Variants in GARNL3 observed in about 807,000 individuals in gnomAD.
GARNL3 encodes the protein GTPase-activating Rap/Ran-GAP domain-like protein 3.
GARNL3 carries 63 observed loss-of-function variants against 125.0 expected under a neutral mutation model. That is an observed-to-expected ratio of 0.50 (90% CI 0.41 to 0.62). GARNL3 has a LOEUF of 0.62. Ranked by LOEUF, GARNL3 falls within the 20% of genes least tolerant of loss-of-function variation. The pLI is 0.00. For synonymous variants in GARNL3, 439 were observed against 457.5 expected, an observed-to-expected ratio of 0.96 and a Z score of 0.52; for missense variants, 994 against 1,244.0, an observed-to-expected ratio of 0.80 and a Z score of 3.02.
chr9:127,387,711 C>T (rs1832618022), intron 25 of GARNL3, among the ~76,000 whole-genome samples: 1 of 149,626 alleles, frequency 6.7e-6, no homozygotes, highest in South Asian at 2.1e-4. Flanking sequence ...CCATTGCACT[C>T]CAGCCTGGGC....
chr9:127,377,327 A>G (rs1831972263), intron 22 of GARNL3, among the ~76,000 whole-genome samples: 1 of 137,330 alleles, frequency 7.3e-6, no homozygotes, highest in Non-Finnish European at 1.7e-5. Context: ...TAACGTTAGG[A>G]CAATTGGACA....
At position 127,385,244 on chromosome 9, in the gene GARNL3, G is replaced by A. The variant is rs1157587099; in HGVS notation, c.2388+99G>A. Reference sequence around the variant, plus strand: ...AAGCCGCCTCTTGTCAAGTTAGGCTGATGAAGACCGGTGTCAGAATGCCAG... The same window carrying A: ...AAGCCGCCTCTTGTCAAGTTAGGCTAATGAAGACCGGTGTCAGAATGCCAG... On this transcript the variant is annotated intron_variant, in intron 24 of 27. Transcript: ENST00000373387. This position sits in a 1 kb window ranked among gnomAD's most constrained non-coding sequence, Gnocchi z 4.1. The A allele has an allele frequency of 1.3e-5, 8 of 626,612 alleles. No homozygotes were observed. The highest frequency in any genetic ancestry group is 3.7e-5 in the African/African-American group (2 of 54,210). 38.8% of individuals were successfully genotyped at this position (626,612 alleles called of 1,614,324 possible).
chr9:127,263,645 G>A, upstream of GARNL3: 3 of 1,028,180 alleles, frequency 2.9e-6, no homozygotes, highest in Non-Finnish European at 3.5e-6. Flanking sequence ...GGAGATTTTT[G>A]GGTAGAAAAT....
At chr9:127,350,708 G>A (rs1388629936) in intron 17 of GARNL3, among the ~76,000 whole-genome samples, 6 of 151,894 alleles carry the variant, frequency 4.0e-5, no homozygotes, top group Non-Finnish European at 5.9e-5. Flanking sequence ...CCCAGGAGGC[G>A]GAGGTTGCAG....
At chr9:127,299,630 G>T (rs1219322354) in intron 2 of GARNL3, among the ~76,000 whole-genome samples, 1 of 151,924 alleles carries the variant, frequency 6.6e-6, no homozygotes, top group East Asian at 1.9e-4. Flanking sequence ...GAGTGCAATG[G>T]CGTGATCTCA....
intron 7 of GARNL3, among the ~76,000 whole-genome samples, chr9:127,325,570 T>C (rs2065543962): frequency 1.3e-5 from 2 of 152,244 alleles, no homozygotes; most frequent in Non-Finnish European, 2.9e-5. Context: ...AAATAAATTA[T>C]GGTTTATGTA....
At chr9:127,315,233 C>T (rs142617854) in intron 4 of GARNL3, among the ~76,000 whole-genome samples, 1 of 152,294 alleles carries the variant, frequency 6.6e-6, no homozygotes, top group Non-Finnish European at 1.5e-5. Flanking sequence ...TATTAAGCCC[C>T]TCTTGGCCTG....
At chr9:127,318,948 C>T (rs1392371304) in intron 5 of GARNL3, among the ~76,000 whole-genome samples, 2 of 152,174 alleles carry the variant, frequency 1.3e-5, no homozygotes, top group African/African-American at 2.4e-5. Context: ...TGGTAAATCA[C>T]GGAGCTGGAG....
chr9:127,242,988 G>C lies in GARNL3; in HGVS notation c.-28-91G>C. The C allele has an allele frequency of 1.8e-6, 2 of 1,127,844 alleles. No homozygotes were observed. Among genetic ancestry groups the C allele is most frequent in the Non-Finnish European group, 1.2e-6 (1 of 861,512 alleles). The allele number at this position is 1,127,844 out of a possible 1,614,324, so 69.9% of individuals were successfully genotyped here. A position where few individuals can be genotyped will look rare whatever the true frequency, so the allele number is the denominator to read the frequency against. The stretch of plus-strand genomic sequence containing the variant: ...CACCCTCCTCCTTGCTTACCAGCGG[G>C]GCTGCCTTTGGGAGGAGGGTAAAGC... On this transcript the variant is annotated intron_variant, in intron 1 of 10. Coordinates refer to the GARNL3 transcript ENST00000439286. The surrounding 1 kb of genome is among the most constrained non-coding windows in gnomAD (Gnocchi z 4.6).
In GARNL3 at chr9:127,307,746, T is replaced by C. The variant is rs148099346; in HGVS notation, c.220-3890T>C. 2.3e-4 allele frequency among the ~76,000 whole-genome samples: 35 copies of C among 152,340 alleles called. No homozygotes were observed. The East Asian group carries it at 6.8e-3, about 29-fold the overall frequency. ...GGTGATTTTTGTTTAACCTTTGTTT[T>C]CTAATAGGGCTAACAAGTTTTTTTT... is the stretch of plus-strand genomic sequence containing the variant. On this transcript the variant is annotated intron_variant, in intron 2 of 27. Transcript: ENST00000373387.
intron 13 of GARNL3, among the ~76,000 whole-genome samples, chr9:127,340,302 A>G (rs1829794570): frequency 6.6e-6 from 1 of 152,136 alleles, no homozygotes; most frequent in Admixed American, 6.5e-5. Flanking sequence ...TAATACCCAA[A>G]TACCCGACTC....
Position 127,264,931 on chromosome 9 carries a change from G to A in GARNL3, c.54G>A (p.Leu18=). The A allele has an allele frequency of 1.2e-6, 2 of 1,613,360 alleles. No homozygotes were observed. Among genetic ancestry groups the A allele is most frequent in the Non-Finnish European group, 1.7e-6 (2 of 1,179,636 alleles). The change falls in exon 1 of 28, where the codon CTG becomes CTA. Residue 18 remains leucine (L), a synonymous_variant. Coordinates refer to ENST00000373387, the MANE Select transcript of GARNL3 (RefSeq NM_032293.5). ...TGGCCAGATCGCTATGTATAATACT[G>A]ATGAAGCATTTTTGTTCCAGCTCTG... The part of the protein sequence containing the change: ...RFVARSLCII[L]MKHFCSSSVS...
At position 127,318,101 on chromosome 9, in the gene GARNL3, A is replaced by G; in HGVS notation, c.477A>G (p.Lys159=). The G allele has an allele frequency of 6.2e-7, 1 of 1,609,844 alleles. No individual in the cohort carries two copies. Among genetic ancestry groups the G allele is most frequent in the Non-Finnish European group, 8.5e-7 (1 of 1,176,126 alleles). ...TATGCCTTCCCTACAGTCCCACAAA[A>G]ACTCTTTCTGTGAAGTCCATCTTAA... ...QKICLPYSPT[K]TLSVKSILSA... The change falls in exon 5 of 28, where the codon AAA becomes AAG. Residue 159 remains lysine, a synonymous_variant. Coordinates refer to ENST00000373387, the MANE Select transcript of GARNL3 (RefSeq NM_032293.5).
chr9:127,384,446 TCCAAA>T lies in GARNL3; in HGVS notation c.2270-580_2270-576del, dbSNP rs1372846433. 2.6e-5 allele frequency among the ~76,000 whole-genome samples: 4 copies of T among 151,874 alleles called. No individual in the cohort carries two copies. Among genetic ancestry groups the T allele is most frequent in the African/African-American group, 9.7e-5 (4 of 41,320 alleles). On this transcript the variant is annotated intron_variant, in intron 23 of 27. Transcript: ENST00000373387. The surrounding 1 kb of genome is among the most constrained non-coding windows in gnomAD (Gnocchi z 4.0). ...ACAGTGCCTGGAAGCCAGTGTGTCA[TCCAAA>T]TCATTTCAAGCAGAGGGGCCAGCCC...
At position 127,342,549 on chromosome 9, in the gene GARNL3, A is replaced by T. The variant is rs117166770; in HGVS notation, c.1251+215A>T. 2.6e-4 allele frequency among the ~76,000 whole-genome samples: 39 copies of T among 152,294 alleles called. 1 individual carries two copies. The East Asian group carries it at 7.3e-3, about 29-fold the overall frequency. ...TTCCATACACAGGAATGCGATTTCC[A>T]GAAAGCCAGGGCCTGTGGAAATCAA... is the stretch of plus-strand genomic sequence containing the variant. On this transcript the variant is annotated intron_variant, in intron 14 of 27. Transcript: ENST00000373387.
chr9:127,300,367 G>A, intron 2 of GARNL3: 1 of 288,810 alleles, frequency 3.5e-6, no homozygotes, highest in Non-Finnish European at 6.7e-6. Flanking sequence ...TCTTTTCTTT[G>A]TTTTATTTGA....
chr9:127,300,056 G>A, intron 2 of GARNL3: 1 of 305,024 alleles, frequency 3.3e-6, no homozygotes. Context: ...TCGAGATTAA[G>A]CTCAGGTCAT....
At chr9:127,232,261 C>G (rs1373236315) in intron 1 of GARNL3, among the ~76,000 whole-genome samples, 1 of 152,132 alleles carries the variant, frequency 6.6e-6, no homozygotes, top group African/African-American at 2.4e-5. Context: ...ACCATTGAAC[C>G]CTTCTCCTTC....
At chr9:127,349,062 G>A (rs746734717) in intron 17 of GARNL3, 27 bp downstream of exon 17, 1 of 1,489,852 alleles carries the variant, frequency 6.7e-7, no homozygotes, top group Non-Finnish European at 9.4e-7. Context: ...TCCTACAAAT[G>A]TCTTTTTCAT....
Sources: gnomAD v4.1 joint callset for allele counts (sites outside exome capture counted in the v4.1 genomes callset) on GRCh38, gnomAD v4.1.1 for gene constraint, Gnocchi (gnomAD v3.1) non-coding constraint, MANE v1.5 for transcripts, NCBI Gene and HGNC (gene_info 2026-07-23, HGNC 2026-07-21) for gene names.